Variants in RASGEF1C observed in about 807,000 individuals in gnomAD.
RASGEF1C encodes the protein RasGEF domain family member 1C, also known as ras-GEF domain-containing family member 1C.
In RASGEF1C, 27 loss-of-function variants were observed where a neutral mutation model predicts 58.1. The observed-to-expected ratio is 0.46, with a 90% CI of 0.34 to 0.64. The LOEUF is 0.64. RASGEF1C is among the 30% of genes least tolerant of loss of function. The pLI is 0.01. For missense variants in RASGEF1C, 502 were observed against 605.1 expected (o/e 0.83, Z 1.79); for synonymous variants, 243 against 246.3 (o/e 0.99, Z 0.13).
At chr5:180,170,852 T>C (rs1175531810) in intron 1 of RASGEF1C, among the ~76,000 whole-genome samples, 2 of 152,162 alleles carry the variant, frequency 1.3e-5, no homozygotes, top group Admixed American at 1.3e-4. Context: ...AAGTCGGAAC[T>C]TGGTGGCAGG....
At chr5:180,169,369 C>T (rs1172825577) in intron 1 of RASGEF1C, among the ~76,000 whole-genome samples, 2 of 152,194 alleles carry the variant, frequency 1.3e-5, no homozygotes, top group African/African-American at 2.4e-5. Flanking sequence ...ATGGTTCCCT[C>T]TGTTTGGAAC....
chr5:180,101,902 A>G (rs563788885), intron 13 of RASGEF1C, among the ~76,000 whole-genome samples, 169 bp downstream of exon 13: 2 of 152,154 alleles, frequency 1.3e-5, no homozygotes, highest in South Asian at 4.1e-4. Flanking sequence ...CTTGATCCCC[A>G]CTGTGGGCTG....
intron 11 of RASGEF1C, among the ~76,000 whole-genome samples, chr5:180,112,987 A>C (rs1279962215): frequency 3.8e-5 from 4 of 105,214 alleles, no homozygotes; most frequent in South Asian, 3.4e-4. Flanking sequence ...GGGACCGGGG[A>C]TGGACGGAGG....
At chr5:180,152,456 C>G (rs531674339) in intron 1 of RASGEF1C, among the ~76,000 whole-genome samples, 20 of 150,850 alleles carry the variant, frequency 1.3e-4, no homozygotes, top group Non-Finnish European at 1.5e-5. Context: ...AGCAAACTAT[C>G]GCAAGGACAA....
intron 1 of RASGEF1C, among the ~76,000 whole-genome samples, chr5:180,157,109 T>C (rs112966027): frequency 0.013 from 1,922 of 152,326 alleles, 50 homozygotes; most frequent in African/African-American, 0.044. Context: ...GCTTGGCAGT[T>C]TCTTACAAAA....
rs1561726829 is a variant in RASGEF1C, at chr5:180,101,360, G to GCA, written c.*140_*141insTG. The GCA allele has an allele frequency of 8.5e-6, 8 of 943,470 alleles. No individual in the cohort carries two copies. The highest frequency in any genetic ancestry group is 3.3e-5 in the African/African-American group (2 of 60,566). The allele number at this position is 943,470 out of a possible 1,614,324, so 58.4% of individuals were successfully genotyped here. ...GCCCGTATGGCCACTGTGGGGGGGG[G>GCA]GGGGGCGGGCAGCAGGCCACAGGGT... On this transcript the variant is annotated 3_prime_UTR_variant, in exon 14 of 14. Transcript: ENST00000361132.
At chr5:180,159,177 T>C (rs1314193184) in intron 1 of RASGEF1C, among the ~76,000 whole-genome samples, 1 of 151,792 alleles carries the variant, frequency 6.6e-6, no homozygotes, top group African/African-American at 2.4e-5. Context: ...TCTCACTCTG[T>C]TGCCCAGGCT....
chr5:180,130,942 C>T (rs956525620), intron 4 of RASGEF1C, among the ~76,000 whole-genome samples: 4 of 152,124 alleles, frequency 2.6e-5, no homozygotes, highest in Admixed American at 6.6e-5. Context: ...GATAGCGCGT[C>T]GGCCACCAGA....
intron 1 of RASGEF1C, among the ~76,000 whole-genome samples, chr5:180,152,724 AAAAG>A (rs894296336): frequency 2.0e-5 from 3 of 151,800 alleles, no homozygotes; most frequent in African/African-American, 4.8e-5. Context: ...TAAAAAAAAA[AAAAG>A]AAAGAAAACC....
chr5:180,101,644 G>A (rs1765786684), intron 13 of RASGEF1C, 119 bp from the exon 14 acceptor site: 2 of 1,267,318 alleles, frequency 1.6e-6, no homozygotes, highest in Admixed American at 2.1e-5. Flanking sequence ...CTGCCCCAGA[G>A]GGGTGTTCTG....
rs1435811765 is a variant in RASGEF1C at position 180,151,107 on chromosome 5, A to C, written c.-6-13049T>G. On this transcript the variant is annotated intron_variant, in intron 1 of 13. Coordinates refer to ENST00000361132, the MANE Select transcript of RASGEF1C (RefSeq NM_175062.4). ...GAAGAACATTCCATGCTCATGGGTA[A>C]GAAGAATCAATATTGTGAAAATGGC... is the stretch of plus-strand genomic sequence containing the variant. Among the ~76,000 whole-genome samples, 5 of 152,112 alleles carry C rather than the reference A, an allele frequency of 3.3e-5. 1 individual carries two copies. The highest frequency in any genetic ancestry group is 7.3e-5 in the Non-Finnish European group (5 of 68,030).
chr5:180,163,716 G>C (rs574765155), intron 1 of RASGEF1C, among the ~76,000 whole-genome samples: 1 of 151,960 alleles, frequency 6.6e-6, no homozygotes, highest in East Asian at 1.9e-4. Flanking sequence ...AAAGATTTTT[G>C]TTCATATGGA....
At chr5:180,127,540 G>C (rs1001358266) in intron 6 of RASGEF1C, 69 bp downstream of exon 6, 1 of 1,460,418 alleles carries the variant, frequency 6.8e-7, no homozygotes, top group Admixed American at 2.3e-5. Flanking sequence ...GAAGGCTCGC[G>C]GGCTCCCCGG....
intron 10 of RASGEF1C, among the ~76,000 whole-genome samples, chr5:180,118,383 G>A (rs564102566): frequency 2.0e-5 from 3 of 152,220 alleles, no homozygotes; most frequent in African/African-American, 4.8e-5. Context: ...CAGGCAGCCC[G>A]GCTTCAGGCC....
intron 4 of RASGEF1C, among the ~76,000 whole-genome samples, chr5:180,130,417 C>G (rs1283959294): frequency 6.6e-6 from 1 of 152,198 alleles, no homozygotes. Context: ...CCACTGCCAG[C>G]CTTGAGGGGC....
intron 1 of RASGEF1C, among the ~76,000 whole-genome samples, chr5:180,195,184 G>T (rs1042185001): frequency 6.6e-6 from 1 of 151,972 alleles, no homozygotes; most frequent in Admixed American, 6.5e-5. Flanking sequence ...AGCAGCTGGG[G>T]CATCGTGCCC....
intron 1 of RASGEF1C, among the ~76,000 whole-genome samples, chr5:180,182,078 G>C (rs569240790): frequency 2.0e-5 from 3 of 151,428 alleles, no homozygotes; most frequent in African/African-American, 7.3e-5. Flanking sequence ...GGTGGCGGGC[G>C]CCTGTAGTCC....
intron 1 of RASGEF1C, among the ~76,000 whole-genome samples, chr5:180,146,886 G>A (rs1417368450): frequency 6.6e-6 from 1 of 152,156 alleles, no homozygotes; most frequent in Non-Finnish European, 1.5e-5. Context: ...AAGCATTGGT[G>A]ATGGTTCTTT....
intron 1 of RASGEF1C, among the ~76,000 whole-genome samples, chr5:180,150,632 C>A (rs1299365756): frequency 6.6e-6 from 1 of 152,082 alleles, no homozygotes; most frequent in Non-Finnish European, 1.5e-5. Flanking sequence ...GAGTTCGAGA[C>A]CAGCCTCAAC....
Sources: gnomAD v4.1 joint callset for allele counts (sites outside exome capture counted in the v4.1 genomes callset) on GRCh38, gnomAD v4.1.1 for gene constraint, MANE v1.5 for transcripts, NCBI Gene and HGNC (gene_info 2026-07-23, HGNC 2026-07-21) for gene names.